Variants in NRXN1 observed in about 807,000 individuals in gnomAD.
NRXN1 encodes the protein neurexin-1.
In NRXN1, 39 loss-of-function variants were observed where a neutral mutation model predicts 150.9. That is an observed-to-expected ratio of 0.26 (90% CI 0.20 to 0.34). The LOEUF is 0.34. NRXN1 is among the 10% of genes least tolerant of loss of function. The pLI, the probability that NRXN1 is intolerant of heterozygous loss-of-function variation, is 1.00. For synonymous variants in NRXN1, 924 were observed against 757.0 expected, an observed-to-expected ratio of 1.22 and a Z score of -3.62; for missense variants, 1,815 against 1,949.9, an observed-to-expected ratio of 0.93 and a Z score of 1.30.
intron 5 of NRXN1, among the ~76,000 whole-genome samples, chr2:50,641,387 G>A (rs968157365): frequency 6.6e-6 from 1 of 152,014 alleles, no homozygotes; most frequent in Non-Finnish European, 1.5e-5. Flanking sequence ...TGGAAGAGTG[G>A]GCAGGTGGGT....
intron 5 of NRXN1, among the ~76,000 whole-genome samples, chr2:50,718,387 C>T (rs1387773719): frequency 6.6e-6 from 1 of 152,066 alleles, no homozygotes; most frequent in Non-Finnish European, 1.5e-5. Flanking sequence ...GAAGGGAAGG[C>T]ATGTTTGCAG....
At chr2:50,646,529 A>C (rs1684835150) in intron 5 of NRXN1, among the ~76,000 whole-genome samples, 1 of 152,116 alleles carries the variant, frequency 6.6e-6, no homozygotes, top group African/African-American at 2.4e-5. Flanking sequence ...GAGGAGAACC[A>C]GCTCTTTGGC....
intron 22 of NRXN1, among the ~76,000 whole-genome samples, chr2:49,925,586 A>G (rs1300309812): frequency 6.6e-6 from 1 of 152,178 alleles, no homozygotes; most frequent in African/African-American, 2.4e-5. Flanking sequence ...TGTGAAAAAA[A>G]GAGAAACATA....
chr2:50,671,823 T>C (rs1183883846), intron 5 of NRXN1, among the ~76,000 whole-genome samples: 1 of 151,850 alleles, frequency 6.6e-6, no homozygotes, highest in Admixed American at 6.6e-5. Flanking sequence ...TAGTTGTAAC[T>C]GCACATAAAA....
chr2:50,934,996 T>C (rs752613669), intron 2 of NRXN1, among the ~76,000 whole-genome samples: 2 of 152,174 alleles, frequency 1.3e-5, no homozygotes, highest in East Asian at 1.9e-4. Context: ...ACTAGTAATC[T>C]AATATCGTCT....
intron 5 of NRXN1, among the ~76,000 whole-genome samples, chr2:50,837,187 A>C (rs537404268): frequency 2.0e-5 from 3 of 152,280 alleles, no homozygotes; most frequent in African/African-American, 7.2e-5. Flanking sequence ...AAAATGTATA[A>C]TAATTCTTAA....
At chr2:50,772,645 T>C (rs1401757947) in intron 5 of NRXN1, among the ~76,000 whole-genome samples, 5 of 152,122 alleles carry the variant, frequency 3.3e-5, no homozygotes, top group Admixed American at 6.6e-5. Context: ...GCATTATGAA[T>C]GTGATTTTCA....
intron 17 of NRXN1, among the ~76,000 whole-genome samples, chr2:50,335,090 AT>A (rs1014719130): frequency 2.6e-5 from 4 of 152,184 alleles, no homozygotes; most frequent in African/African-American, 9.7e-5. Context: ...CTAGCATGAA[AT>A]TTTGTCTAAT....
At chr2:50,416,469 A>G (rs2083547018) in intron 17 of NRXN1, among the ~76,000 whole-genome samples, 1 of 152,062 alleles carries the variant, frequency 6.6e-6, no homozygotes, top group Admixed American at 6.6e-5. Context: ...CACTCACCAT[A>G]AAATTAATAA....
At chr2:50,616,348 A>G (rs1382718207) in intron 8 of NRXN1, 2 of 152,152 alleles carry the variant, frequency 1.3e-5, no homozygotes, top group South Asian at 2.1e-4. Flanking sequence ...TAACTTTCCA[A>G]TTGAGGGTTA....
chr2:49,964,099 T>C (rs1015536204), intron 21 of NRXN1, among the ~76,000 whole-genome samples: 1 of 152,180 alleles, frequency 6.6e-6, no homozygotes, highest in African/African-American at 2.4e-5. Context: ...ATGAAGTGTT[T>C]AAGCTATTTT....
chr2:50,824,877 G>A (rs1670233475), intron 5 of NRXN1, among the ~76,000 whole-genome samples: 1 of 152,264 alleles, frequency 6.6e-6, no homozygotes, highest in East Asian at 1.9e-4. Context: ...TTTTAAAATT[G>A]CATCAAGCTA....
At chr2:50,933,811 G>GT (rs1688126575) in intron 2 of NRXN1, among the ~76,000 whole-genome samples, 2 of 152,008 alleles carry the variant, frequency 1.3e-5, no homozygotes, top group African/African-American at 4.8e-5. Context: ...AAAACATGCT[G>GT]AACAGAAAGA....
intron 5 of NRXN1, among the ~76,000 whole-genome samples, chr2:50,873,167 C>T (rs1379674144): frequency 6.6e-6 from 1 of 151,792 alleles, no homozygotes; most frequent in Non-Finnish European, 1.5e-5. Context: ...AATGAAGTAA[C>T]CATAATATCT....
intron 5 of NRXN1, among the ~76,000 whole-genome samples, chr2:50,914,629 T>A (rs1420030004): frequency 6.6e-6 from 1 of 151,678 alleles, no homozygotes; most frequent in Non-Finnish European, 1.5e-5. Context: ...GGACAGGGAA[T>A]GAGAAAGATA....
intron 8 of NRXN1, among the ~76,000 whole-genome samples, chr2:50,618,076 T>G (rs1030054633): frequency 1.3e-5 from 2 of 152,104 alleles, no homozygotes; most frequent in Admixed American, 6.6e-5. Context: ...CCTTCCTTTT[T>G]CCAATCTAAG....
intron 19 of NRXN1, among the ~76,000 whole-genome samples, chr2:50,066,021 T>A (rs1241317444): frequency 6.6e-6 from 1 of 152,206 alleles, no homozygotes; most frequent in Non-Finnish European, 1.5e-5. Context: ...AGTGCTTTCA[T>A]GCCACCTGTC....
chr2:50,053,755 G>A (rs1356761289), intron 20 of NRXN1, among the ~76,000 whole-genome samples, 165 bp from the exon 21 acceptor site: 2 of 152,120 alleles, frequency 1.3e-5, no homozygotes, highest in Non-Finnish European at 2.9e-5. Flanking sequence ...TCCATGAAAT[G>A]CATAATTATT....
chr2:50,569,124 G>A (rs1670283596), intron 8 of NRXN1, among the ~76,000 whole-genome samples: 1 of 152,056 alleles, frequency 6.6e-6, no homozygotes, highest in Non-Finnish European at 1.5e-5. Context: ...CTAAAAGGAT[G>A]GATACCGGGG....
Sources: gnomAD v4.1 joint callset for allele counts (sites outside exome capture counted in the v4.1 genomes callset) on GRCh38, gnomAD v4.1.1 for gene constraint, MANE v1.5 for transcripts, NCBI Gene and HGNC (gene_info 2026-07-23, HGNC 2026-07-21) for gene names.